SDK1: variants seen among roughly 807,000 people sequenced by gnomAD.
SDK1 encodes protein sidekick-1.
In SDK1, 157 loss-of-function variants were observed where a neutral mutation model predicts 245.5. The ratio of observed to expected loss-of-function variants is 0.64; its 90% CI spans 0.56 to 0.73. The LOEUF (loss-of-function observed/expected upper bound fraction) is 0.73. Among genes scored for constraint, SDK1 ranks in the 30% least tolerant of loss-of-function variants. SDK1 has a pLI of 0.00. For missense variants in SDK1, 3,583 were observed against 3,002.3 expected, an observed-to-expected ratio of 1.19 and a Z score of -4.52; for synonymous variants, 1,647 against 1,278.5, an observed-to-expected ratio of 1.29 and a Z score of -6.15.
chr7:3,904,647 T>C (rs9886234), intron 5 of SDK1, among the ~76,000 whole-genome samples: 39,548 of 151,928 alleles, frequency 0.26, 5,883 homozygotes, highest in African/African-American at 0.4. Flanking sequence ...TGGGCTACGA[T>C]AACACCACTT....
intron 5 of SDK1, among the ~76,000 whole-genome samples, chr7:3,928,882 G>A (rs1170537134): frequency 6.6e-6 from 1 of 152,260 alleles, no homozygotes; most frequent in African/African-American, 2.4e-5. Flanking sequence ...AGAGCTGAGA[G>A]TCATGCCCAG....
At chr7:3,626,064 C>T (rs1278926174) in intron 2 of SDK1, among the ~76,000 whole-genome samples, 1 of 151,440 alleles carries the variant, frequency 6.6e-6, no homozygotes, top group Non-Finnish European at 1.5e-5. Context: ...CTGCACCAGC[C>T]TCCCTAGTAG....
chr7:3,825,220 C>G (rs566899188), intron 5 of SDK1, among the ~76,000 whole-genome samples: 9 of 151,152 alleles, frequency 6.0e-5, no homozygotes, highest in Non-Finnish European at 1.2e-4. Context: ...ACCTGTCAAC[C>G]TATTTTTGGC....
chr7:3,876,307 A>T (rs1395291927), intron 5 of SDK1, among the ~76,000 whole-genome samples: 2 of 152,180 alleles, frequency 1.3e-5, no homozygotes, highest in African/African-American at 4.8e-5. Context: ...TTGGGGTAGA[A>T]ATGTGTGACC....
chr7:4,222,332 T>C (rs547892926), intron 40 of SDK1, among the ~76,000 whole-genome samples: 1 of 152,342 alleles, frequency 6.6e-6, no homozygotes, highest in African/African-American at 2.4e-5. Context: ...TCTCTTTCTG[T>C]CACCCAGCCT....
chr7:3,694,746 C>G (rs1289135757), intron 4 of SDK1, among the ~76,000 whole-genome samples: 3 of 152,030 alleles, frequency 2.0e-5, no homozygotes, highest in African/African-American at 7.2e-5. Context: ...TAGTTTGAGC[C>G]CAGGAACCTA....
At chr7:3,901,525 C>A (rs562630859) in intron 5 of SDK1, among the ~76,000 whole-genome samples, 1 of 152,278 alleles carries the variant, frequency 6.6e-6, no homozygotes, top group African/African-American at 2.4e-5. Flanking sequence ...ACATCAGAGG[C>A]CACCTGATGT....
At chr7:3,460,909 A>C (rs945641637) in intron 1 of SDK1, among the ~76,000 whole-genome samples, 10 of 152,234 alleles carry the variant, frequency 6.6e-5, no homozygotes, top group African/African-American at 2.4e-4. Context: ...ACTAAATAGC[A>C]ACCTTTTTAT....
Position 4,057,077 on chromosome 7 carries a change from C to CT in SDK1, c.2911+5248dup, listed in dbSNP as rs1180391694. Among the ~76,000 whole-genome samples, 21 of 152,308 alleles carry CT rather than the reference C, an allele frequency of 1.4e-4. No homozygotes were observed. The East Asian group carries it at 3.3e-3, about 24-fold the overall frequency. On this transcript the variant is annotated intron_variant, in intron 19 of 44. Transcript: ENST00000404826. ...CTTCCAGGCACCCTGAGGTCAGACTCTCCCACCCACAGTTGCCACCTGGGT... is the reference window on the plus strand; with the variant it reads ...CTTCCAGGCACCCTGAGGTCAGACTCTTCCCACCCACAGTTGCCACCTGGGT...
intron 1 of SDK1, among the ~76,000 whole-genome samples, chr7:3,389,206 C>G (rs1781683917): frequency 6.6e-6 from 1 of 152,022 alleles, no homozygotes. Context: ...GTTCTAATTC[C>G]TAGAACCAGT....
chr7:3,543,894 A>G (rs1309747407), intron 1 of SDK1, among the ~76,000 whole-genome samples: 1 of 152,238 alleles, frequency 6.6e-6, no homozygotes, highest in Non-Finnish European at 1.5e-5. Flanking sequence ...AAACACCAAC[A>G]GCCATCTGAG....
At chr7:3,980,390 G>C (rs868025804) in intron 13 of SDK1, among the ~76,000 whole-genome samples, 3 of 152,186 alleles carry the variant, frequency 2.0e-5, no homozygotes, top group Admixed American at 6.5e-5. Context: ...AAGTGACTCA[G>C]CACTGGGCTT....
chr7:3,347,642 T>A (rs1780544542), intron 1 of SDK1, among the ~76,000 whole-genome samples: 1 of 152,212 alleles, frequency 6.6e-6, no homozygotes, highest in African/African-American at 2.4e-5. Flanking sequence ...TTTTTAATTT[T>A]GTTCTGAATT....
rs567089885 is a variant in SDK1 at position 3,744,110 on chromosome 7, C to T, written c.714-77340C>T. On this transcript the variant is annotated intron_variant, in intron 4 of 44. Transcript: ENST00000404826. ...GTTTGTTCCTGCCTCAGGATCCTTC[C>T]GCTTGCTGTTCATCTGCCTTGAATG... is the stretch of plus-strand genomic sequence containing the variant. 1.6e-4 allele frequency among the ~76,000 whole-genome samples: 24 copies of T among 152,160 alleles called. 1 individual carries two copies. In the South Asian group the frequency reaches 3.1e-3, roughly 20 times the overall value.
intron 14 of SDK1, among the ~76,000 whole-genome samples, chr7:4,005,337 C>A (rs1405143953): frequency 6.0e-5 from 9 of 150,412 alleles, no homozygotes; most frequent in Admixed American, 4.0e-4. Flanking sequence ...TTCTTTATTG[C>A]CTGGAGACTG....
chr7:3,568,983 G>A (rs1198182444), intron 1 of SDK1, among the ~76,000 whole-genome samples: 1 of 147,878 alleles, frequency 6.8e-6, no homozygotes, highest in Non-Finnish European at 1.5e-5. Context: ...CTAATTTATT[G>A]CCGAATATTT....
At chr7:3,358,275 G>A (rs1027934621) in intron 1 of SDK1, among the ~76,000 whole-genome samples, 7 of 152,174 alleles carry the variant, frequency 4.6e-5, no homozygotes, top group African/African-American at 1.4e-4. Flanking sequence ...GCCCGTCTCA[G>A]CCTCCCAAAG....
intron 1 of SDK1, among the ~76,000 whole-genome samples, chr7:3,324,978 C>G (rs1302079210): frequency 6.6e-6 from 1 of 152,146 alleles, no homozygotes; most frequent in African/African-American, 2.4e-5. Flanking sequence ...TGTATTCAAG[C>G]CACATATAGT....
intron 4 of SDK1, among the ~76,000 whole-genome samples, chr7:3,677,339 A>G (rs1400875769): frequency 6.6e-6 from 1 of 152,218 alleles, no homozygotes; most frequent in Non-Finnish European, 1.5e-5. Context: ...TAGTAAAGAC[A>G]TACCCAAGAC....
Sources: gnomAD v4.1 joint callset for allele counts (sites outside exome capture counted in the v4.1 genomes callset) on GRCh38, gnomAD v4.1.1 for gene constraint, MANE v1.5 for transcripts, NCBI Gene and HGNC (gene_info 2026-07-23, HGNC 2026-07-21) for gene names.